The following PAFAH1B1 variants were observed in gnomAD, a reference collection of about 807,000 sequenced individuals.
PAFAH1B1 encodes the protein platelet-activating factor acetylhydrolase IB subunit beta.
A neutral mutation model predicts 57.5 loss-of-function variants in PAFAH1B1; 2 were observed. That is an observed-to-expected ratio of 0.03 (90% confidence interval 0.01 to 0.11). The LOEUF is 0.11. Ranked by LOEUF, PAFAH1B1 falls within the 10% of genes least tolerant of loss-of-function variation. The probability of loss-of-function intolerance (pLI) is 1.00; values close to 1 mark genes in which losing one functional copy is unlikely to be tolerated. For missense variants in PAFAH1B1, 257 were observed against 512.0 expected (o/e 0.50, Z 4.81); for synonymous variants, 152 against 169.6 (o/e 0.90, Z 0.81).
chr17:2,657,644 ATACT>A (rs559557964), intron 2 of PAFAH1B1, among the ~76,000 whole-genome samples: 2 of 152,312 alleles, frequency 1.3e-5, no homozygotes, highest in East Asian at 1.9e-4. Flanking sequence ...TGCCTAGGTA[ATACT>A]TACTATTTCC....
intron 8 of PAFAH1B1, 129 bp downstream of exon 8, chr17:2,674,417 A>G (rs902540787): frequency 1.4e-6 from 1 of 724,392 alleles, no homozygotes; most frequent in East Asian, 2.7e-5. Context: ...CTGAATCTTG[A>G]AATTCTCTAC....
chr17:2,632,015 T>C (rs1053637505), intron 1 of PAFAH1B1, among the ~76,000 whole-genome samples: 16 of 152,240 alleles, frequency 1.1e-4, no homozygotes, highest in African/African-American at 3.6e-4. Flanking sequence ...TCTTGTTTCA[T>C]GTATCTCTCT....
intron 1 of PAFAH1B1, among the ~76,000 whole-genome samples, chr17:2,637,278 A>G (rs1381022926): frequency 2.6e-5 from 4 of 152,162 alleles, no homozygotes; most frequent in Non-Finnish European, 5.9e-5. Flanking sequence ...TATTTTAAGT[A>G]AGACCATCTC....
intron 1 of PAFAH1B1, among the ~76,000 whole-genome samples, chr17:2,634,074 G>A (rs1310788618): frequency 2.0e-5 from 3 of 151,036 alleles, no homozygotes; most frequent in Non-Finnish European, 4.4e-5. Context: ...ACGTAAAATG[G>A]AGTTAATCAT....
intron 1 of PAFAH1B1, among the ~76,000 whole-genome samples, chr17:2,597,513 C>T (rs1477118530): frequency 7.0e-6 from 1 of 143,600 alleles, no homozygotes; most frequent in African/African-American, 2.6e-5. Context: ...TGGGTTCAAG[C>T]GATTCTCCTG....
chr17:2,673,489 A>C (rs1329965180), intron 7 of PAFAH1B1, among the ~76,000 whole-genome samples: 1 of 151,900 alleles, frequency 6.6e-6, no homozygotes, highest in African/African-American at 2.4e-5. Flanking sequence ...AATACAAAAA[A>C]TTAGCCGGGC....
intron 7 of PAFAH1B1, chr17:2,673,711 GA>G (rs1303885518): frequency 3.7e-6 from 1 of 271,910 alleles, no homozygotes; most frequent in Non-Finnish European, 7.2e-6. Context: ...GTTGTGCATA[GA>G]ATTACACTTG....
At chr17:2,615,822 G>A (rs973472518) in intron 1 of PAFAH1B1, among the ~76,000 whole-genome samples, 2 of 152,184 alleles carry the variant, frequency 1.3e-5, no homozygotes, top group African/African-American at 4.8e-5. Flanking sequence ...GATGAAGATT[G>A]TACCTAACAT....
intron 2 of PAFAH1B1, among the ~76,000 whole-genome samples, chr17:2,661,472 A>G (rs2151654976): frequency 6.6e-6 from 1 of 152,270 alleles, no homozygotes; most frequent in East Asian, 1.9e-4. Flanking sequence ...AGATGTTTGT[A>G]GATATGTGGT....
In PAFAH1B1 at chr17:2,670,658, CAG is replaced by C. The variant is rs139325407; in HGVS notation, c.568+334_568+335del. ...TTTTGTTAGTTGGGAAACTGAAGTC[CAG>C]AGAGAGTAGGTCGAGTGAAAACGAG... On this transcript the variant is annotated intron_variant, in intron 6 of 10. Transcript: ENST00000397195. Among the ~76,000 whole-genome samples the C allele has an allele frequency of 8.1e-3, 1,236 of 152,138 alleles. 7 individuals are homozygous for C. The highest frequency in any genetic ancestry group is 0.012 in the Non-Finnish European group (831 of 68,014).
rs1180320391 is a variant in PAFAH1B1, at chr17:2,593,771, T to C, written c.-426T>C. 5.2e-6 allele frequency: 2 copies of C among 382,280 alleles called. No homozygotes were observed. The highest frequency in any genetic ancestry group is 9.2e-6 in the Non-Finnish European group (2 of 216,240). 23.7% of individuals were successfully genotyped at this position (382,280 alleles called of 1,614,324 possible). ...GCGAGAAGGAGAAGGAGGGGAGCGC[T>C]CGGGCGCGAGCGAGAGAAACCGCGA... On this transcript the variant is annotated 5_prime_UTR_variant, in exon 1 of 11. Coordinates refer to ENST00000397195, the MANE Select transcript of PAFAH1B1 (RefSeq NM_000430.4).
At chr17:2,668,457 TG>T (rs1467081546) in intron 5 of PAFAH1B1, among the ~76,000 whole-genome samples, 1 of 151,954 alleles carries the variant, frequency 6.6e-6, no homozygotes, top group East Asian at 1.9e-4. Context: ...GAGGCCAAGG[TG>T]GGAGGACTGC....
At chr17:2,652,192 C>T (rs937828900) in intron 2 of PAFAH1B1, among the ~76,000 whole-genome samples, 13 of 146,164 alleles carry the variant, frequency 8.9e-5, no homozygotes, top group African/African-American at 1.6e-4. Context: ...GGGCAAATCA[C>T]GAGGTCAGGA....
intron 2 of PAFAH1B1, among the ~76,000 whole-genome samples, chr17:2,653,576 G>A (rs758892478): frequency 5.3e-5 from 8 of 152,100 alleles, no homozygotes; most frequent in Non-Finnish European, 1.0e-4. Flanking sequence ...AATACTCTGA[G>A]ACTGCAAGTT....
Position 2,681,872 on chromosome 17 carries a change from T to G in PAFAH1B1, c.*70T>G. On this transcript the variant is annotated 3_prime_UTR_variant, in exon 11 of 11. Transcript: ENST00000397195. The stretch of plus-strand genomic sequence containing the variant: ...CTCTGATGATACCATGGTTACCCCA[T>G]TGAGCTCTGTTTAAATAAATATTGT... The G allele has an allele frequency of 9.4e-7, 1 of 1,060,226 alleles. No homozygotes were observed. The highest frequency in any genetic ancestry group is 1.4e-6 in the Non-Finnish European group (1 of 702,342). The allele number at this position is 1,060,226 out of a possible 1,614,324, so 65.7% of individuals were successfully genotyped here.
intron 1 of PAFAH1B1, among the ~76,000 whole-genome samples, chr17:2,617,787 G>C (rs868418125): frequency 2.6e-5 from 4 of 152,102 alleles, no homozygotes; most frequent in African/African-American, 7.2e-5. Context: ...AGGTGTGGCG[G>C]TGGGTGTCTG....
chr17:2,631,775 C>T (rs771259843), intron 1 of PAFAH1B1, among the ~76,000 whole-genome samples: 2 of 152,180 alleles, frequency 1.3e-5, no homozygotes, highest in Admixed American at 6.5e-5. Flanking sequence ...TTTGTTCTTG[C>T]AGTGGATCTG....
intron 1 of PAFAH1B1, among the ~76,000 whole-genome samples, chr17:2,595,357 C>T (rs951934166): frequency 1.3e-4 from 20 of 150,936 alleles, no homozygotes; most frequent in Admixed American, 2.6e-4. Context: ...GCGGAGGAGA[C>T]AGTGCTTGGG....
chr17:2,623,261 CTTTTTTTT>C (rs376810275), intron 1 of PAFAH1B1, among the ~76,000 whole-genome samples: 53 of 103,990 alleles, frequency 5.1e-4, no homozygotes, highest in Non-Finnish European at 6.3e-4. Flanking sequence ...TTTTTCCTTT[CTTTTTTTT>C]TTTTTTTTTT....
Sources: allele counts gnomAD v4.1 joint callset (sites outside exome capture counted in the v4.1 genomes callset), GRCh38; gene constraint gnomAD v4.1.1; transcripts MANE v1.5; gene names NCBI Gene and HGNC (gene_info 2026-07-23, HGNC 2026-07-21).